Variants in ACSS1 observed in about 807,000 individuals in gnomAD.
The protein encoded by ACSS1 is acyl-CoA synthetase short chain family member 1, also known as acetyl-coenzyme A synthetase 2-like, mitochondrial.
Under a neutral mutation model 75.3 loss-of-function variants are expected in ACSS1, and 42 were observed. That is an observed-to-expected ratio of 0.56 (90% CI 0.44 to 0.72). ACSS1 has a LOEUF of 0.72. Ranked by LOEUF, ACSS1 falls within the 30% of genes least tolerant of loss-of-function variation. The pLI, the probability that ACSS1 is intolerant of heterozygous loss-of-function variation, is 0.00. For missense variants in ACSS1, 782 were observed against 935.7 expected (o/e 0.84, Z 2.14); for synonymous variants, 380 against 376.8 (o/e 1.01, Z -0.10).
intron 5 of ACSS1, among the ~76,000 whole-genome samples, chr20:25,022,169 C>CA (rs1228155508): frequency 6.6e-6 from 1 of 152,026 alleles, no homozygotes; most frequent in Non-Finnish European, 1.5e-5. Flanking sequence ...CCAGCCTGAC[C>CA]AACATGGCAA....
At chr20:25,017,858 C>T (rs1366400112) in intron 7 of ACSS1, among the ~76,000 whole-genome samples, 1 of 152,244 alleles carries the variant, frequency 6.6e-6, no homozygotes, top group Non-Finnish European at 1.5e-5. Context: ...AAATCTTGCC[C>T]TTCAGCCCTG....
intron 2 of ACSS1, among the ~76,000 whole-genome samples, chr20:25,038,002 T>C (rs2088943345): frequency 6.6e-6 from 1 of 152,216 alleles, no homozygotes; most frequent in Non-Finnish European, 1.5e-5. Context: ...GACCATGACA[T>C]TTAGCAAAGA....
intron 12 of ACSS1, chr20:25,010,467 AG>A (rs1178724803): frequency 3.3e-5 from 5 of 152,404 alleles, no homozygotes; most frequent in Admixed American, 3.3e-4. Context: ...TGATCTGTAA[AG>A]ACCTACAGCC....
intron 2 of ACSS1, among the ~76,000 whole-genome samples, chr20:25,045,408 C>G (rs1023022018): frequency 1.3e-5 from 2 of 152,184 alleles, no homozygotes; most frequent in African/African-American, 4.8e-5. Context: ...GCTGACCCAG[C>G]GTCACCTGTG....
Position 25,013,672 on chromosome 20 carries a change from C to T in ACSS1, c.1453-10G>A. On this transcript the variant is annotated splice_polypyrimidine_tract_variant and intron_variant, in intron 9 of 13. Transcript: ENST00000323482. ...CCTCCACGACGCTGCCCTGTAGACC[C>T]CGGACATGCAAGTGAGACAGGGCAG... is the stretch of plus-strand genomic sequence containing the variant. 6.3e-7 allele frequency: 1 copy of T among 1,589,178 alleles called. No homozygotes were observed. Among genetic ancestry groups the T allele is most frequent in the East Asian group, 2.3e-5 (1 of 44,312 alleles).
At chr20:25,032,153 G>T (rs565426332) in intron 2 of ACSS1, among the ~76,000 whole-genome samples, 1 of 152,316 alleles carries the variant, frequency 6.6e-6, no homozygotes, top group African/African-American at 2.4e-5. Context: ...CAGCCCCCAT[G>T]TCGTCCACCA....
chr20:25,032,442 T>C, intron 2 of ACSS1: 1 of 1,377,460 alleles, frequency 7.3e-7, no homozygotes, highest in Non-Finnish European at 9.4e-7. Flanking sequence ...CTCATCCCTC[T>C]GAATCTGGAC....
chr20:25,026,691 T>C (rs538852640), intron 3 of ACSS1, among the ~76,000 whole-genome samples: 1 of 152,268 alleles, frequency 6.6e-6, no homozygotes, highest in Non-Finnish European at 1.5e-5. Flanking sequence ...GAGTAGTTTG[T>C]GACACAGCAA....
chr20:25,056,668 G>C (rs376385288), intron 1 of ACSS1, among the ~76,000 whole-genome samples: 1 of 152,166 alleles, frequency 6.6e-6, no homozygotes, highest in Non-Finnish European at 1.5e-5. Flanking sequence ...GGGCTGGGGG[G>C]GCAGAACAAC....
At chr20:25,057,564 C>T (rs1167304566) in intron 1 of ACSS1, among the ~76,000 whole-genome samples, 1 of 152,066 alleles carries the variant, frequency 6.6e-6, no homozygotes, top group Non-Finnish European at 1.5e-5. Flanking sequence ...GAGCTGGGCA[C>T]GTGGATCTGG....
intron 3 of ACSS1, among the ~76,000 whole-genome samples, chr20:25,023,970 A>C (rs1334122050): frequency 1.3e-5 from 2 of 152,124 alleles, no homozygotes; most frequent in African/African-American, 4.8e-5. Flanking sequence ...CCAGGAGCAA[A>C]CCCCAGGAAA....
rs146708209 is a variant in ACSS1, at chr20:25,029,210, T to A, written c.631+1549A>T. Among the ~76,000 whole-genome samples the A allele has an allele frequency of 6.2e-4, 94 of 152,320 alleles. No homozygotes were observed. The East Asian group carries it at 0.018, about 29-fold the overall frequency. ...AAAAGACAAGCAAGCAATTAAAATA[T>A]GGGCAAACAGCTTAAGTAGACTTTG... On this transcript the variant is annotated intron_variant, in intron 3 of 13. Transcript: ENST00000323482.
intron 7 of ACSS1, among the ~76,000 whole-genome samples, chr20:25,015,686 C>T (rs928020426): frequency 1.3e-5 from 2 of 152,034 alleles, no homozygotes; most frequent in East Asian, 3.8e-4. Context: ...TGAGACATAC[C>T]GTATTTATGG....
At chr20:25,016,613 G>A (rs577640428) in intron 7 of ACSS1, among the ~76,000 whole-genome samples, 1 of 152,372 alleles carries the variant, frequency 6.6e-6, no homozygotes, top group East Asian at 1.9e-4. Context: ...CATGATCAGT[G>A]CTGGCCACAT....
intron 2 of ACSS1, among the ~76,000 whole-genome samples, chr20:25,047,464 A>G (rs2089113293): frequency 6.6e-6 from 1 of 152,190 alleles, no homozygotes; most frequent in South Asian, 2.1e-4. Context: ...CTGTTACTGC[A>G]ACATACTGCA....
At chr20:25,027,622 C>T (rs2088744314) in intron 3 of ACSS1, among the ~76,000 whole-genome samples, 1 of 151,942 alleles carries the variant, frequency 6.6e-6, no homozygotes, top group South Asian at 2.1e-4. Context: ...TAGAAGGGAA[C>T]TTAATGGATA....
intron 2 of ACSS1, chr20:25,046,547 T>A (rs2122744621): frequency 2.0e-6 from 1 of 501,494 alleles, no homozygotes; most frequent in Non-Finnish European, 3.6e-6. Flanking sequence ...GGGAGTGCCA[T>A]GGCTGGGCCC....
chr20:25,025,775 G>T (rs1439371762), intron 3 of ACSS1, among the ~76,000 whole-genome samples: 1 of 152,170 alleles, frequency 6.6e-6, no homozygotes, highest in African/African-American at 2.4e-5. Flanking sequence ...TATCTTCAAA[G>T]CCAGCAACGG....
At chr20:25,016,549 A>G (rs1354597459) in intron 7 of ACSS1, among the ~76,000 whole-genome samples, 1 of 152,330 alleles carries the variant, frequency 6.6e-6, no homozygotes, top group Non-Finnish European at 1.5e-5. Context: ...CCTCTTGCTC[A>G]GGACCACTCA....
Sources: gnomAD v4.1 joint callset for allele counts (sites outside exome capture counted in the v4.1 genomes callset) on GRCh38, gnomAD v4.1.1 for gene constraint, MANE v1.5 for transcripts, NCBI Gene and HGNC (gene_info 2026-07-23, HGNC 2026-07-21) for gene names.